The following VMP1 variants were observed in gnomAD, a reference collection of about 807,000 sequenced individuals.
The protein encoded by VMP1 is vacuole membrane protein 1.
Under a neutral mutation model 56.0 loss-of-function variants are expected in VMP1, and 11 were observed. That is an observed-to-expected ratio of 0.20 (90% CI 0.12 to 0.32). VMP1 has a LOEUF of 0.32. Ranked by LOEUF, VMP1 falls within the 10% of genes least tolerant of loss-of-function variation. The pLI is 1.00. For missense variants in VMP1, 296 were observed against 490.3 expected (o/e 0.60, Z 3.74); for synonymous variants, 149 against 165.0 (o/e 0.90, Z 0.74).
chr17:59,774,664 C>T (rs1401834765), intron 7 of VMP1, among the ~76,000 whole-genome samples: 2 of 151,926 alleles, frequency 1.3e-5, no homozygotes, highest in Admixed American at 6.6e-5. Context: ...TTGCTTCTTT[C>T]TTCCTTTTCT....
intron 6 of VMP1, among the ~76,000 whole-genome samples, chr17:59,770,413 C>A (rs1326162612): frequency 6.6e-6 from 1 of 152,056 alleles, no homozygotes; most frequent in Admixed American, 6.6e-5. Context: ...TATACCCTTT[C>A]TCATTCTCTT....
intron 10 of VMP1, chr17:59,834,024 T>C (rs185875678): frequency 1.3e-5 from 2 of 152,190 alleles, no homozygotes; most frequent in Non-Finnish European, 1.5e-5. Context: ...TGGAGGACAA[T>C]GGCGCACTGC....
chr17:59,773,905 A>C lies in VMP1; in HGVS notation c.714+20A>C. 6.3e-7 allele frequency: 1 copy of C among 1,582,194 alleles called. No homozygotes were observed. Among genetic ancestry groups the C allele is most frequent in the Non-Finnish European group, 8.6e-7 (1 of 1,164,502 alleles). On this transcript the variant is annotated intron_variant, in intron 7 of 11. Transcript: ENST00000262291. ...GCACAAGTAAGAACAGTGGGGATAGAAAATAGAACACTTTACTTCTTCCTA... is the reference window on the plus strand; with the variant it reads ...GCACAAGTAAGAACAGTGGGGATAGCAAATAGAACACTTTACTTCTTCCTA...
intron 1 of VMP1, 70 bp from the exon 2 acceptor site, chr17:59,731,351 A>C: frequency 1.2e-6 from 1 of 863,076 alleles, no homozygotes; most frequent in Admixed American, 2.9e-5. Flanking sequence ...TCCTGTATTC[A>C]GTTTTATTCA....
chr17:59,807,520 T>C (rs2037886488), intron 7 of VMP1, among the ~76,000 whole-genome samples: 1 of 151,898 alleles, frequency 6.6e-6, no homozygotes. Flanking sequence ...TTCTATATTC[T>C]CTTTATTGTC....
intron 10 of VMP1, among the ~76,000 whole-genome samples, chr17:59,831,612 A>ATTTTTT (rs34016289): frequency 7.5e-6 from 1 of 132,914 alleles, no homozygotes; most frequent in African/African-American, 2.8e-5. Context: ...TTTTGAATGG[A>ATTTTTT]TTTTTTTTTT....
chr17:59,726,140 C>G (rs1287694395), intron 1 of VMP1, among the ~76,000 whole-genome samples: 1 of 151,956 alleles, frequency 6.6e-6, no homozygotes, highest in Admixed American at 6.6e-5. Flanking sequence ...GAATGGCTGG[C>G]TTTAAAATAT....
chr17:59,778,107 T>C (rs1161368642), intron 7 of VMP1, among the ~76,000 whole-genome samples: 2 of 152,224 alleles, frequency 1.3e-5, no homozygotes, highest in African/African-American at 2.4e-5. Context: ...TATATCGAAA[T>C]GTTTTTCTGC....
chr17:59,817,759 G>T lies in VMP1; in HGVS notation c.960G>T (p.Met320Ile). The change falls in exon 10 of 12, where the codon ATG becomes ATT. Residue 320 changes from methionine (M) to isoleucine (I), a missense_variant. Physicochemically the swap from Met to Ile is conservative, Grantham distance 10. This residue lies in a region of VMP1 where 95 missense variants were observed against 137.6 expected (regional missense o/e 0.69). Coordinates refer to ENST00000262291, the MANE Select transcript of VMP1 (RefSeq NM_030938.5). ...TCAGCAAGCACATAGTGGAGCAAAT[G>T]GTGGCTTTCATTGGGTAAGTAATTC... ...ITFSKHIVEQ[M>I]VAFIGAVPGI... 6.2e-7 allele frequency: 1 copy of T among 1,607,572 alleles called. No individual in the cohort carries two copies. The highest frequency in any genetic ancestry group is 1.1e-5 in the South Asian group (1 of 89,838).
At chr17:59,730,314 G>A (rs2034777493) in intron 1 of VMP1, among the ~76,000 whole-genome samples, 1 of 151,516 alleles carries the variant, frequency 6.6e-6, no homozygotes, top group Non-Finnish European at 1.5e-5. Flanking sequence ...TGCCCAGGCT[G>A]TAATGCAGTG....
Position 59,752,063 on chromosome 17 carries a change from T to A in VMP1, c.415-12908T>A, listed in dbSNP as rs531753144. Among the ~76,000 whole-genome samples, 4 of 152,318 alleles carry A rather than the reference T, an allele frequency of 2.6e-5. No homozygotes were observed. In the South Asian group the frequency reaches 6.2e-4, roughly 24 times the overall value. On this transcript the variant is annotated intron_variant, in intron 5 of 11. Transcript: ENST00000262291. ...CCTCGGTTCAAGAGATCCTCTCGCC[T>A]CAGCCTCCTAAAGTGCCGGGATTAC...
At chr17:59,802,344 C>T (rs968332057) in intron 7 of VMP1, among the ~76,000 whole-genome samples, 3 of 151,412 alleles carry the variant, frequency 2.0e-5, no homozygotes, top group Admixed American at 6.6e-5. Context: ...ACTAGATAGC[C>T]TAAGTGTGTA....
chr17:59,766,777 A>AT (rs994887101), intron 6 of VMP1, among the ~76,000 whole-genome samples: 49 of 146,314 alleles, frequency 3.3e-4, no homozygotes, highest in Admixed American at 8.9e-4. Flanking sequence ...GTGTGCCTAA[A>AT]TTTTTTTTTT....
chr17:59,809,156 C>G (rs1161028235), intron 8 of VMP1, among the ~76,000 whole-genome samples: 1 of 151,000 alleles, frequency 6.6e-6, no homozygotes, highest in East Asian at 2.0e-4. Flanking sequence ...TGCACCCCCA[C>G]GCCTGGCTAA....
chr17:59,801,692 C>T (rs1027274977), intron 7 of VMP1, among the ~76,000 whole-genome samples: 3 of 152,068 alleles, frequency 2.0e-5, no homozygotes, highest in African/African-American at 7.2e-5. Context: ...GTTAGGAGTT[C>T]AAGACCAGCC....
intron 7 of VMP1, among the ~76,000 whole-genome samples, chr17:59,789,611 A>G: frequency 6.6e-6 from 1 of 152,066 alleles, no homozygotes; most frequent in Non-Finnish European, 1.5e-5. Flanking sequence ...TAAATCAGTA[A>G]CATGCTAAAT....
intron 7 of VMP1, among the ~76,000 whole-genome samples, chr17:59,783,643 T>C (rs1229903706): frequency 6.6e-6 from 1 of 152,210 alleles, no homozygotes. Flanking sequence ...TAACAATCGC[T>C]TTGGGTCAAA....
At chr17:59,823,466 C>G (rs542548718) in intron 10 of VMP1, among the ~76,000 whole-genome samples, 8 of 140,950 alleles carry the variant, frequency 5.7e-5, no homozygotes, top group Non-Finnish European at 1.2e-4. Flanking sequence ...AAAAAAAAAT[C>G]GGGCCGGGGG....
chr17:59,796,001 TAGA>T (rs2037427607), intron 7 of VMP1, among the ~76,000 whole-genome samples: 1 of 152,210 alleles, frequency 6.6e-6, no homozygotes, highest in African/African-American at 2.4e-5. Context: ...TTAAAAACCA[TAGA>T]ATTGCTGGTG....
Sources: allele counts gnomAD v4.1 joint callset (sites outside exome capture counted in the v4.1 genomes callset), GRCh38; gene constraint gnomAD v4.1.1; regional missense constraint gnomAD v4.1.1; transcripts MANE v1.5; gene names NCBI Gene and HGNC (gene_info 2026-07-23, HGNC 2026-07-21).